The following UPRT variants were observed in gnomAD, a reference collection of about 807,000 sequenced individuals.
UPRT encodes RP11-311P8.3.
UPRT carries 5 observed loss-of-function variants against 22.6 expected under a neutral mutation model. The observed-to-expected ratio is 0.22, with a 90% confidence interval of 0.12 to 0.47. The LOEUF is 0.47. UPRT is among the 20% of genes least tolerant of loss of function. UPRT has a pLI of 0.99. For synonymous variants in UPRT, 77 were observed against 87.7 expected, an observed-to-expected ratio of 0.88 and a Z score of 0.68; for missense variants, 181 against 239.9, an observed-to-expected ratio of 0.75 and a Z score of 1.62.
At chrX:75,191,566 G>C (rs2082315299) in intron 4 of UPRT, among the ~76,000 whole-genome samples, 1 of 111,713 alleles carries the variant, frequency 9.0e-6, no homozygotes. Context: ...CAGAGGTGAA[G>C]TCTACAGAGG....
chrX:75,255,592 C>A (rs745572556), intron 4 of UPRT, among the ~76,000 whole-genome samples: 1 of 111,575 alleles, frequency 9.0e-6, no homozygotes, highest in Admixed American at 9.6e-5. Context: ...ACTCACCAAC[C>A]AACTACCTGC....
intron 4 of UPRT, among the ~76,000 whole-genome samples, chrX:75,216,052 A>C (rs945778378): frequency 8.1e-5 from 9 of 111,498 alleles, no homozygotes; most frequent in Non-Finnish European, 1.7e-4. Context: ...CCAAAATCAA[A>C]GACATTACAA....
rs143099861 is a variant in UPRT, at chrX:75,193,028, C to T, written c.-447+25149C>T. On this transcript the variant is annotated intron_variant, in intron 4 of 13. Transcript: ENST00000652605. ...TCATCATATTGTTAGCTGGTTATTA[C>T]GCAGACTTGTTTGTGTGGTTGCTTT... Among the ~76,000 whole-genome samples, 7 of 112,043 alleles carry T rather than the reference C, an allele frequency of 6.2e-5. No individual in the cohort carries two copies. The East Asian group carries it at 8.4e-4, about 13-fold the overall frequency.
intron 1 of UPRT, among the ~76,000 whole-genome samples, chrX:75,279,340 A>G (rs2082643921): frequency 9.0e-6 from 1 of 111,018 alleles, no homozygotes; most frequent in African/African-American, 3.3e-5. Context: ...TAAAACATGG[A>G]CATATTTTCG....
chrX:75,293,252 C>T (rs1008296234), intron 1 of UPRT, among the ~76,000 whole-genome samples: 1 of 111,224 alleles, frequency 9.0e-6, no homozygotes, highest in African/African-American at 3.3e-5. Flanking sequence ...CAGTTCCAGT[C>T]TCTAATGTTG....
intron 4 of UPRT, among the ~76,000 whole-genome samples, chrX:75,236,948 G>A (rs2082468102): frequency 1.8e-5 from 2 of 112,258 alleles, no homozygotes; most frequent in Admixed American, 1.9e-4. Flanking sequence ...GTTGACAAAT[G>A]GGATCTAATT....
chrX:75,251,974 T>G lies in UPRT; in HGVS notation c.-446-39050T>G, dbSNP rs150181590. Among the ~76,000 whole-genome samples, 936 of 112,086 alleles carry G rather than the reference T, an allele frequency of 8.4e-3. 12 individuals carry two copies. Among genetic ancestry groups the G allele is most frequent in the African/African-American group, 0.028 (860 of 30,860 alleles). ...CAAGCAATGGGGAAAGGATTCCCTA[T>G]TTAATAAATGGTGCTGGGAAAACTG... is the stretch of plus-strand genomic sequence containing the variant. On this transcript the variant is annotated intron_variant, in intron 4 of 13. Coordinates refer to the UPRT transcript ENST00000652605.
chrX:75,196,436 T>G (rs1232625173), intron 4 of UPRT, among the ~76,000 whole-genome samples: 1 of 112,861 alleles, frequency 8.9e-6, no homozygotes, highest in Non-Finnish European at 1.9e-5. Context: ...AACTGTTATA[T>G]CCCTGTTTCT....
At chrX:75,299,225 C>A (rs1165673743) in intron 4 of UPRT, among the ~76,000 whole-genome samples, 1 of 112,205 alleles carries the variant, frequency 8.9e-6, no homozygotes, top group Non-Finnish European at 1.9e-5. Flanking sequence ...CTGCTTGCAG[C>A]AAAATCTTTG....
At chrX:75,200,069 T>C (rs772977446) in intron 4 of UPRT, among the ~76,000 whole-genome samples, 1 of 112,378 alleles carries the variant, frequency 8.9e-6, no homozygotes, top group South Asian at 3.7e-4. Flanking sequence ...GTTCAACCAG[T>C]CACTCAGATG....
At chrX:75,167,759 G>GT (rs367852011) in intron 3 of UPRT, among the ~76,000 whole-genome samples, 71 of 98,532 alleles carry the variant, frequency 7.2e-4, no homozygotes, top group South Asian at 2.2e-3. Context: ...CTTGTTTTTT[G>GT]TTTTTTTTTT....
At position 75,255,231 on chromosome X, in the gene UPRT, G is replaced by A. The variant is rs185724758; in HGVS notation, c.-446-35793G>A. Among the ~76,000 whole-genome samples the A allele has an allele frequency of 1.7e-4, 19 of 111,223 alleles. No homozygotes were observed. In the East Asian group the frequency reaches 2.3e-3, roughly 13 times the overall value. The stretch of plus-strand genomic sequence containing the variant: ...CTCAAACAAAAAAATTATCATCAGC[G>A]AAGAATTTTGTATGCAGTGAAACTA... On this transcript the variant is annotated intron_variant, in intron 4 of 13. Transcript: ENST00000652605.
At position 75,217,426 on chromosome X, in the gene UPRT, C is replaced by T. The variant is rs202044683; in HGVS notation, c.-447+49547C>T. ...GGCCATTTTCATGATATTGATTCTT[C>T]GTACCCATGAGCATGGAATGTTCTT... On this transcript the variant is annotated intron_variant, in intron 4 of 13. Coordinates refer to the UPRT transcript ENST00000652605. Among the ~76,000 whole-genome samples the T allele has an allele frequency of 1.6e-4, 18 of 111,530 alleles. No homozygotes were observed. In the East Asian group the frequency reaches 4.0e-3, roughly 25 times the overall value.
chrX:75,276,095 C>T (rs2082630400), intron 1 of UPRT, among the ~76,000 whole-genome samples: 1 of 111,661 alleles, frequency 9.0e-6, no homozygotes, highest in South Asian at 3.8e-4. Context: ...ATCTGGAATT[C>T]CCTGTGTCTC....
At chrX:75,248,618 A>G in intron 4 of UPRT, among the ~76,000 whole-genome samples, 1 of 112,056 alleles carries the variant, frequency 8.9e-6, no homozygotes, top group African/African-American at 3.2e-5. Flanking sequence ...GAATGGAACC[A>G]AGTTGGAAAA....
intron 1 of UPRT, among the ~76,000 whole-genome samples, chrX:75,282,457 G>T (rs113694553): frequency 0.032 from 3,580 of 110,540 alleles, 66 homozygotes; most frequent in Non-Finnish European, 0.051. Flanking sequence ...TTGGGAGGTT[G>T]TGTCATTATT....
chrX:75,199,525 A>G (rs1188696536), intron 4 of UPRT, among the ~76,000 whole-genome samples: 7 of 111,151 alleles, frequency 6.3e-5, no homozygotes, highest in African/African-American at 2.3e-4. Context: ...CAATACTCAG[A>G]TAGTACACTG....
At chrX:75,224,300 C>T (rs1480220249) in intron 4 of UPRT, among the ~76,000 whole-genome samples, 5 of 111,747 alleles carry the variant, frequency 4.5e-5, no homozygotes, top group Admixed American at 9.5e-5. Context: ...ATATATGTGT[C>T]ATACTCTCCT....
chrX:75,238,088 G>C (rs997953937), intron 4 of UPRT, among the ~76,000 whole-genome samples: 11 of 110,885 alleles, frequency 9.9e-5, no homozygotes, highest in Non-Finnish European at 1.3e-4. Context: ...AAGGTATTTG[G>C]GTAACAACTA....
Sources: gnomAD v4.1 joint callset for allele counts (sites outside exome capture counted in the v4.1 genomes callset) on GRCh38, gnomAD v4.1.1 for gene constraint, MANE v1.5 for transcripts, NCBI Gene and HGNC (gene_info 2026-07-23, HGNC 2026-07-21) for gene names.